Variants in ZPLD1 observed in about 807,000 individuals in gnomAD.
ZPLD1 encodes zona pellucida-like domain-containing protein 1.
Under a neutral mutation model 47.2 loss-of-function variants are expected in ZPLD1, and 34 were observed. The ratio of observed to expected loss-of-function variants is 0.72; its 90% CI spans 0.55 to 0.96. The LOEUF (loss-of-function observed/expected upper bound fraction) is 0.96, where lower values mean the gene tolerates loss of function less well. ZPLD1 is among the 40% of genes least tolerant of loss of function. The probability of loss-of-function intolerance (pLI) is 0.00; values close to 1 mark genes in which losing one functional copy is unlikely to be tolerated. For synonymous variants in ZPLD1, 176 were observed against 186.2 expected (o/e 0.95, Z 0.45); for missense variants, 512 against 505.8 (o/e 1.01, Z -0.12).
chr3:102,470,037 G>A (rs1707656953), intron 9 of ZPLD1, among the ~76,000 whole-genome samples: 1 of 152,218 alleles, frequency 6.6e-6, no homozygotes, highest in South Asian at 2.1e-4. Flanking sequence ...TAAATGGAGA[G>A]TCCACATTAC....
intron 7 of ZPLD1, among the ~76,000 whole-genome samples, chr3:102,409,264 C>T (rs1052907354): frequency 1.3e-5 from 2 of 151,720 alleles, no homozygotes; most frequent in African/African-American, 2.4e-5. Context: ...AGTACTCCAT[C>T]GTTTTTCCAC....
chr3:102,394,605 T>C (rs1360645012), intron 7 of ZPLD1, among the ~76,000 whole-genome samples: 1 of 152,188 alleles, frequency 6.6e-6, no homozygotes, highest in Non-Finnish European at 1.5e-5. Context: ...AGCCTCCATA[T>C]AGCTTTCCAA....
intron 3 of ZPLD1, among the ~76,000 whole-genome samples, chr3:102,442,878 C>T (rs1707202736): frequency 6.6e-6 from 1 of 152,062 alleles, no homozygotes; most frequent in South Asian, 2.1e-4. Context: ...GTGGTTAACT[C>T]TTGGTTATCC....
At chr3:102,387,056 A>C (rs1706432044) in intron 6 of ZPLD1, among the ~76,000 whole-genome samples, 1 of 152,048 alleles carries the variant, frequency 6.6e-6, no homozygotes, top group African/African-American at 2.4e-5. Context: ...CCTTCCATTA[A>C]ATTACATTAT....
At chr3:102,405,906 G>C (rs1706675702) in intron 7 of ZPLD1, among the ~76,000 whole-genome samples, 1 of 151,940 alleles carries the variant, frequency 6.6e-6, no homozygotes, top group African/African-American at 2.4e-5. Flanking sequence ...AAGTGAAAGA[G>C]TTGGGCTGTA....
rs145823834 is a variant in ZPLD1, at chr3:102,472,491, C to G, written c.1042+1989C>G. 2.1e-3 allele frequency among the ~76,000 whole-genome samples: 322 copies of G among 150,160 alleles called. 3 individuals carry two copies. Among genetic ancestry groups the G allele is most frequent in the African/African-American group, 7.5e-3 (307 of 40,708 alleles). ...AGGTTGCAGTGAACCGAGATTGTGC[C>G]ACTGCACTCCAGCCTGGCTGACAGA... is the stretch of plus-strand genomic sequence containing the variant. On this transcript the variant is annotated intron_variant, in intron 10 of 11. Transcript: ENST00000466937.
In ZPLD1 at chr3:102,452,918, G is replaced by T. The variant is rs1707359157; in HGVS notation, c.107-1G>T. 1.9e-6 allele frequency: 3 copies of T among 1,612,516 alleles called. No homozygotes were observed. The highest frequency in any genetic ancestry group is 2.5e-6 in the Non-Finnish European group (3 of 1,178,840). On this transcript the variant is annotated splice_acceptor_variant, in intron 3 of 11. Transcript: ENST00000466937. LOFTEE classifies it high-confidence loss of function. ...TTGTTTTTTATATATTTTTATTTCA[G>T]CTGAAAGAGACATCAGTGTCTATTG...
At chr3:102,396,681 G>A (rs1706561356) in intron 7 of ZPLD1, among the ~76,000 whole-genome samples, 1 of 152,118 alleles carries the variant, frequency 6.6e-6, no homozygotes. Flanking sequence ...GTTAGCCGGT[G>A]GCAGAGGCAG....
At chr3:102,439,084 C>T (rs1448173950) in intron 3 of ZPLD1, among the ~76,000 whole-genome samples, 3 of 152,106 alleles carry the variant, frequency 2.0e-5, no homozygotes, top group Non-Finnish European at 2.9e-5. Flanking sequence ...GTGACAAATA[C>T]GAGATTTGGC....
intron 1 of ZPLD1, among the ~76,000 whole-genome samples, chr3:102,435,636 G>GA (rs1707078364): frequency 1.6e-5 from 2 of 127,404 alleles, no homozygotes; most frequent in Admixed American, 7.9e-5. Context: ...TCATCATCTT[G>GA]ATTTTTTTTT....
intron 8 of ZPLD1, among the ~76,000 whole-genome samples, chr3:102,428,368 A>G (rs1373862644): frequency 6.6e-6 from 1 of 152,176 alleles, no homozygotes; most frequent in Non-Finnish European, 1.5e-5. Flanking sequence ...GATTCCCTAA[A>G]TTGAATTGTT....
chr3:102,387,930 C>G (rs1040802681), intron 6 of ZPLD1, among the ~76,000 whole-genome samples: 2 of 146,830 alleles, frequency 1.4e-5, no homozygotes, highest in African/African-American at 5.1e-5. Context: ...GTGCGATCTC[C>G]GCTCACTGCA....
intron 7 of ZPLD1, among the ~76,000 whole-genome samples, chr3:102,401,893 G>A (rs991289488): frequency 6.6e-6 from 1 of 151,940 alleles, no homozygotes; most frequent in African/African-American, 2.4e-5. Context: ...ACTCCACAAA[G>A]CTTTTTGTCT....
At chr3:102,433,492 G>A (rs1707042394), upstream of ZPLD1, among the ~76,000 whole-genome samples, 1 of 152,128 alleles carries the variant, frequency 6.6e-6, no homozygotes, top group South Asian at 2.1e-4. Context: ...AAACTTATAA[G>A]TATTACATTA....
intron 7 of ZPLD1, among the ~76,000 whole-genome samples, chr3:102,412,517 T>C (rs1435650329): frequency 6.6e-6 from 1 of 151,780 alleles, no homozygotes; most frequent in Non-Finnish European, 1.5e-5. Flanking sequence ...TGAAGGAACT[T>C]AAGTTGTTTT....
chr3:102,437,915 A>T (rs888747305), intron 2 of ZPLD1, among the ~76,000 whole-genome samples: 1 of 152,234 alleles, frequency 6.6e-6, no homozygotes, highest in African/African-American at 2.4e-5. Flanking sequence ...ATGTTTCCTA[A>T]GAAAATGACA....
At chr3:102,431,599 C>T (rs564532201), upstream of ZPLD1, among the ~76,000 whole-genome samples, 19 of 152,236 alleles carry the variant, frequency 1.2e-4, no homozygotes, top group African/African-American at 4.6e-4. Context: ...GAGTTGTGAT[C>T]CTTAGCACTT....
chr3:102,411,606 G>A (rs1229675644), intron 7 of ZPLD1, among the ~76,000 whole-genome samples: 1 of 151,736 alleles, frequency 6.6e-6, no homozygotes, highest in Non-Finnish European at 1.5e-5. Flanking sequence ...AAGCTGGACA[G>A]ATAGTGAATA....
intron 7 of ZPLD1, among the ~76,000 whole-genome samples, chr3:102,399,681 C>T (rs149091114): frequency 3.3e-5 from 5 of 152,006 alleles, no homozygotes; most frequent in Admixed American, 6.6e-5. Context: ...AATACCGAAA[C>T]GATCATGTAT....
Sources: allele counts gnomAD v4.1 joint callset (sites outside exome capture counted in the v4.1 genomes callset), GRCh38; gene constraint gnomAD v4.1.1; transcripts MANE v1.5; gene names NCBI Gene and HGNC (gene_info 2026-07-23, HGNC 2026-07-21).